NCAN: variants seen among roughly 807,000 people sequenced by gnomAD.
The protein encoded by NCAN is neurocan core protein.
In NCAN, 47 loss-of-function variants were observed where a neutral mutation model predicts 121.8. The observed-to-expected ratio is 0.39, with a 90% CI of 0.31 to 0.49. The LOEUF is 0.49. Ranked by LOEUF, NCAN falls within the 20% of genes least tolerant of loss-of-function variation. The pLI is 0.92. For synonymous variants in NCAN, 633 were observed against 702.0 expected (o/e 0.90, Z 1.55); for missense variants, 1,517 against 1,773.4 (o/e 0.86, Z 2.60).
chr19:19,224,597 C>T (rs1308587990), intron 5 of NCAN, among the ~76,000 whole-genome samples, 164 bp downstream of exon 5: 6 of 151,896 alleles, frequency 4.0e-5, no homozygotes, highest in African/African-American at 1.2e-4. Flanking sequence ...CTTTCCATGC[C>T]TCCCTGAGTC....
At chr19:19,242,691 A>AAAAC (rs879665550) in intron 12 of NCAN, among the ~76,000 whole-genome samples, 17 of 152,338 alleles carry the variant, frequency 1.1e-4, no homozygotes, top group African/African-American at 2.6e-4. Context: ...TCTGTCTCAA[A>AAAAC]AAACAAACAA....
At position 19,227,608 on chromosome 19, in the gene NCAN, C is replaced by G. The variant is rs748897933; in HGVS notation, c.1988C>G (p.Ala663Gly). 3 of 1,613,884 alleles carry G rather than the reference C, an allele frequency of 1.9e-6. No homozygotes were observed. The highest frequency in any genetic ancestry group is 2.5e-6 in the Non-Finnish European group (3 of 1,180,008). The change falls in exon 8 of 15, where the codon GCC becomes GGC. Residue 663 changes from alanine to glycine, a missense_variant. Physicochemically the swap from Ala to Gly is moderately conservative, Grantham distance 60. Coordinates refer to ENST00000252575, the MANE Select transcript of NCAN (RefSeq NM_004386.3). The surrounding 1 kb of genome is among the most constrained non-coding windows in gnomAD (Gnocchi z 4.2). Reference sequence around the variant, plus strand: ...AATAGAGTTGAGGCACATGGTGAGGCCACCGCCACGGCTCCACCCTCCCCT... The same window carrying G: ...AATAGAGTTGAGGCACATGGTGAGGGCACCGCCACGGCTCCACCCTCCCCT... Reference protein sequence around the residue: ...EANRVEAHGEATATAPPSPAA... With the variant: ...EANRVEAHGEGTATAPPSPAA...
chr19:19,228,258 G>T lies in NCAN; in HGVS notation c.2638G>T (p.Asp880Tyr). 1 of 1,613,890 alleles carries T rather than the reference G, an allele frequency of 6.2e-7. No homozygotes were observed. The highest frequency in any genetic ancestry group is 8.5e-7 in the Non-Finnish European group (1 of 1,179,996). Reference sequence around the variant, plus strand: ...GCCCCTCACGACCCTGGAGCAGGGGGACAAGGTTGGAGTTCCAGCCATGTC... The same window carrying T: ...GCCCCTCACGACCCTGGAGCAGGGGTACAAGGTTGGAGTTCCAGCCATGTC... ...VTPLTTLEQG[D>Y]KVGVPAMSTL... is the part of the protein sequence containing the mutation. The change falls in exon 8 of 15, where the codon GAC (aspartate) becomes TAC (tyrosine). Residue 880 changes from aspartate (D) to tyrosine (Y), a missense_variant. Physicochemically the swap from Asp to Tyr is radical, Grantham distance 160. Transcript: ENST00000252575.
chr19:19,232,101 A>G (rs2060862234), intron 8 of NCAN, among the ~76,000 whole-genome samples: 1 of 152,120 alleles, frequency 6.6e-6, no homozygotes, highest in African/African-American at 2.4e-5. Context: ...GAGAAGGGGC[A>G]GTCAGAGAGG....
chr19:19,225,138 G>A lies in NCAN; in HGVS notation c.940G>A (p.Val314Met). Residue 314 changes from valine to methionine, a missense_variant, in exon 6 of 15, where the codon GTG becomes ATG. Physicochemically the swap from Val to Met is conservative, Grantham distance 21. Coordinates refer to ENST00000252575, the MANE Select transcript of NCAN (RefSeq NM_004386.3). This position sits in a 1 kb window ranked among gnomAD's most constrained non-coding sequence, Gnocchi z 4.0. ...CDPGWLADGSVRYPIQTPRRR... is the reference protein window; with the variant it reads ...CDPGWLADGSMRYPIQTPRRR... Reference sequence around the variant, plus strand: ...CCCGGGCTGGCTGGCCGACGGCAGCGTGCGCTACCCGATCCAGACGCCGCG... The same window carrying A: ...CCCGGGCTGGCTGGCCGACGGCAGCATGCGCTACCCGATCCAGACGCCGCG... The A allele has an allele frequency of 1.3e-6, 2 of 1,531,272 alleles. No homozygotes were observed. The highest frequency in any genetic ancestry group is 2.0e-5 in the Admixed American group (1 of 49,964). The allele number at this position is 1,531,272 out of a possible 1,614,324, so 94.9% of individuals were successfully genotyped here. A position where few individuals can be genotyped will look rare whatever the true frequency, so the allele number is the denominator to read the frequency against.
Position 19,227,529 on chromosome 19 carries a change from C to T in NCAN, c.1909C>T (p.Arg637Cys), listed in dbSNP as rs773700316. The change falls in exon 8 of 15, where the codon CGT (arginine) becomes TGT (cysteine). Residue 637 changes from arginine (R) to cysteine (C), a missense_variant. Physicochemically the swap from Arg to Cys is radical, Grantham distance 180. Transcript: ENST00000252575. The surrounding 1 kb of genome is among the most constrained non-coding windows in gnomAD (Gnocchi z 4.2). Reference protein sequence around the residue: ...SPDLPMMAMLRGPKEWMLPHP... With the variant: ...SPDLPMMAMLCGPKEWMLPHP... Reference sequence around the variant, plus strand: ...AGATCTCCCTATGATGGCCATGCTGCGTGGTCCCAAAGAGTGGATGCTACC... The same window carrying T: ...AGATCTCCCTATGATGGCCATGCTGTGTGGTCCCAAAGAGTGGATGCTACC... 1.5e-5 allele frequency: 25 copies of T among 1,613,894 alleles called. 1 individual carries two copies. In the South Asian group the frequency reaches 2.1e-4, roughly 13 times the overall value.
intron 1 of NCAN, among the ~76,000 whole-genome samples, chr19:19,215,567 G>T (rs1459281759): frequency 6.6e-6 from 1 of 152,170 alleles, no homozygotes; most frequent in Non-Finnish European, 1.5e-5. Context: ...GTGGGCCTAA[G>T]AAGTATCTTT....
rs1186058401 is a variant in NCAN at position 19,228,126 on chromosome 19, G to A, written c.2506G>A (p.Ala836Thr). The A allele has an allele frequency of 1.2e-6, 2 of 1,613,714 alleles. No individual in the cohort carries two copies. Among genetic ancestry groups the A allele is most frequent in the South Asian group, 2.2e-5 (2 of 91,082 alleles). Residue 836 changes from alanine (A) to threonine (T), a missense_variant, in exon 8 of 15, where the codon GCC becomes ACC. Physicochemically the swap from Ala to Thr is moderately conservative, Grantham distance 58 (BLOSUM62 0). Coordinates refer to ENST00000252575, the MANE Select transcript of NCAN (RefSeq NM_004386.3). ...VNPMDSTVTP[A>T]PSDASGIWEP... is the part of the protein sequence containing the mutation. Reference sequence around the variant, plus strand: ...TCCCATGGATTCCACAGTCACGCCGGCCCCCAGTGATGCTAGTGGAATTTG... The same window carrying A: ...TCCCATGGATTCCACAGTCACGCCGACCCCCAGTGATGCTAGTGGAATTTG...
intron 8 of NCAN, among the ~76,000 whole-genome samples, chr19:19,232,572 T>G (rs181153325): frequency 6.6e-6 from 1 of 152,364 alleles, no homozygotes; most frequent in Admixed American, 6.5e-5. Flanking sequence ...AAGCAATTAC[T>G]GAGTGCCTAT....
intron 3 of NCAN, among the ~76,000 whole-genome samples, chr19:19,222,501 A>G (rs1343011036): frequency 1.3e-5 from 2 of 151,812 alleles, no homozygotes; most frequent in Non-Finnish European, 2.9e-5. Flanking sequence ...CTGGTTTCCA[A>G]CTCCTAGCCT....
intron 2 of NCAN, among the ~76,000 whole-genome samples, chr19:19,218,548 C>T (rs2060804185): frequency 6.6e-6 from 1 of 152,002 alleles, no homozygotes; most frequent in South Asian, 2.1e-4. Context: ...CCTTGGCTCA[C>T]CGCAACCTCT....
intron 8 of NCAN, among the ~76,000 whole-genome samples, chr19:19,229,135 G>T (rs762205360): frequency 6.6e-6 from 1 of 152,230 alleles, no homozygotes; most frequent in African/African-American, 2.4e-5. Context: ...TTGAACCCGG[G>T]AGGCGGAGGT....
intron 3 of NCAN, among the ~76,000 whole-genome samples, chr19:19,223,408 C>T (rs1420623548): frequency 2.0e-5 from 3 of 152,118 alleles, no homozygotes; most frequent in Non-Finnish European, 4.4e-5. Context: ...GTTTCCTCCT[C>T]TAGAACAATC....
intron 9 of NCAN, 147 bp from the exon 10 acceptor site, chr19:19,234,836 T>C (rs906364423): frequency 1.2e-5 from 6 of 485,994 alleles, no homozygotes; most frequent in Admixed American, 7.0e-5. Context: ...TGCAGAGTCA[T>C]TGGGCCATCT....
At chr19:19,238,436 C>A (rs201624891) in intron 11 of NCAN, 25 bp downstream of exon 11, 4 of 1,613,842 alleles carry the variant, frequency 2.5e-6, no homozygotes, top group Non-Finnish European at 3.4e-6. Flanking sequence ...GAGGGGGCCA[C>A]CTGCCTGGAG....
At chr19:19,213,450 G>A (rs922939367) in intron 1 of NCAN, among the ~76,000 whole-genome samples, 4 of 142,968 alleles carry the variant, frequency 2.8e-5, no homozygotes, top group African/African-American at 5.1e-5. Context: ...GGCTGGCATC[G>A]CCGTGTGAGT....
Position 19,224,072 on chromosome 19 carries a change from C to T in NCAN, c.527C>T (p.Ala176Val), listed in dbSNP as rs978443085. 53 of 1,597,618 alleles carry T rather than the reference C, an allele frequency of 3.3e-5. No homozygotes were observed. The highest frequency in any genetic ancestry group is 4.2e-5 in the Non-Finnish European group (49 of 1,168,380). Reference sequence around the variant, plus strand: ...CGGGACCGCTATGCACTGACCTTCGCTGAGGCCCAGGAGGCCTGCCGTCTC... The same window carrying T: ...CGGGACCGCTATGCACTGACCTTCGTTGAGGCCCAGGAGGCCTGCCGTCTC... ...SARDRYALTF[A>V]EAQEACRLSS... is the part of the protein sequence containing the mutation. Residue 176 changes from alanine (A) to valine (V), a missense_variant, in exon 4 of 15, where the codon GCT becomes GTT. Transcript: ENST00000252575.
intron 11 of NCAN, among the ~76,000 whole-genome samples, chr19:19,239,125 G>A (rs546976142): frequency 2.0e-5 from 3 of 152,038 alleles, no homozygotes; most frequent in East Asian, 1.9e-4. Flanking sequence ...GCCCACTGGC[G>A]TCTCCTGTCC....
chr19:19,238,855 A>G, intron 11 of NCAN: 1 of 275,804 alleles, frequency 3.6e-6, no homozygotes, highest in South Asian at 4.0e-5. Context: ...TGGGAGAAGC[A>G]CCTGTAATGT....
Sources: allele counts gnomAD v4.1 joint callset (sites outside exome capture counted in the v4.1 genomes callset), GRCh38; gene constraint gnomAD v4.1.1; non-coding constraint Gnocchi (gnomAD v3.1); transcripts MANE v1.5; gene names NCBI Gene and HGNC (gene_info 2026-07-23, HGNC 2026-07-21).